Variants in SHISAL2A observed in about 807,000 individuals in gnomAD.
The protein encoded by SHISAL2A is protein shisa-like-2A.
Under a neutral mutation model 11.5 loss-of-function variants are expected in SHISAL2A, and 18 were observed. The ratio of observed to expected loss-of-function variants is 1.57; its 90% confidence interval spans 1.08 to 2.33. The LOEUF (loss-of-function observed/expected upper bound fraction) is 2.33, where lower values mean the gene tolerates loss of function less well. Among genes scored for constraint, SHISAL2A ranks in the 30% most tolerant of loss-of-function variants. SHISAL2A has a pLI of 0.00. For synonymous variants in SHISAL2A, 94 were observed against 99.6 expected (o/e 0.94, Z 0.34); for missense variants, 261 against 250.9 (o/e 1.04, Z -0.27).
intron 2 of SHISAL2A, among the ~76,000 whole-genome samples, chr1:52,656,362 G>A (rs1048271837): frequency 1.1e-4 from 16 of 152,132 alleles, no homozygotes; most frequent in African/African-American, 3.9e-4. Flanking sequence ...GATTTAAGAG[G>A]AAGAGAGAAG....
chr1:52,649,426 G>T (rs1188932150), intron 2 of SHISAL2A, among the ~76,000 whole-genome samples: 1 of 152,140 alleles, frequency 6.6e-6, no homozygotes. Context: ...GGGTTCCTTA[G>T]CTCTGAGTAT....
intron 1 of SHISAL2A, 148 bp from the exon 2 acceptor site, chr1:52,642,714 AT>A: frequency 1.3e-6 from 1 of 799,486 alleles, no homozygotes; most frequent in Middle Eastern, 3.8e-4. Flanking sequence ...ATGGGCCACT[AT>A]GCCTGGCCTA....
rs143397066 is a variant in SHISAL2A at position 52,638,646 on chromosome 1, C to T, written c.183-4217C>T. Among the ~76,000 whole-genome samples the T allele has an allele frequency of 3.9e-3, 601 of 152,196 alleles. 6 individuals are homozygous for T. The highest frequency in any genetic ancestry group is 0.014 in the African/African-American group (578 of 41,526). On this transcript the variant is annotated intron_variant, in intron 1 of 2. Transcript: ENST00000517870. ...AAGTGAGACAGGGAGAGAAAGAAGC[C>T]AACAATGGGTGTATTACCAAGCAAA...
chr1:52,665,453 C>G (rs1195373263), intron 4 of SHISAL2A, among the ~76,000 whole-genome samples: 3 of 152,172 alleles, frequency 2.0e-5, no homozygotes, highest in Non-Finnish European at 4.4e-5. Context: ...CCGATGTCTT[C>G]TACCTGGGCT....
At chr1:52,643,118 C>A in intron 2 of SHISAL2A, 116 bp downstream of exon 2, 2 of 1,014,740 alleles carry the variant, frequency 2.0e-6, no homozygotes, top group Admixed American at 2.5e-5. Flanking sequence ...CTGGAATATG[C>A]AGAAGCAGCG....
chr1:52,662,098 A>G (rs1002567272), intron 4 of SHISAL2A, among the ~76,000 whole-genome samples: 1 of 152,198 alleles, frequency 6.6e-6, no homozygotes, highest in Non-Finnish European at 1.5e-5. Flanking sequence ...AGAGATGAAG[A>G]GTAGGTTTGA....
chr1:52,634,339 T>C (rs1199186887), intron 1 of SHISAL2A, among the ~76,000 whole-genome samples: 5 of 152,240 alleles, frequency 3.3e-5, no homozygotes, highest in African/African-American at 9.6e-5. Flanking sequence ...TTAGTCATTC[T>C]TTCGGGCACT....
intron 2 of SHISAL2A, among the ~76,000 whole-genome samples, chr1:52,646,585 T>G (rs1216516854): frequency 1.3e-5 from 2 of 151,746 alleles, no homozygotes; most frequent in Non-Finnish European, 2.9e-5. Flanking sequence ...TTGCTAAAAT[T>G]TACTTGTAAC....
chr1:52,651,744 T>G (rs960274231), intron 2 of SHISAL2A, among the ~76,000 whole-genome samples: 3 of 152,172 alleles, frequency 2.0e-5, no homozygotes, highest in African/African-American at 7.2e-5. Context: ...CAGGGGGTAA[T>G]TAACATAGGT....
chr1:52,646,362 A>G (rs1056307530), intron 2 of SHISAL2A, among the ~76,000 whole-genome samples: 2 of 152,216 alleles, frequency 1.3e-5, no homozygotes, highest in African/African-American at 2.4e-5. Flanking sequence ...TATAAAATGT[A>G]TAATTTTCTA....
intron 4 of SHISAL2A, among the ~76,000 whole-genome samples, chr1:52,662,685 C>G (rs1691931736): frequency 6.6e-6 from 1 of 151,940 alleles, no homozygotes; most frequent in Non-Finnish European, 1.5e-5. Flanking sequence ...CCTTAGGGCT[C>G]CAAGGGCTCT....
intron 2 of SHISAL2A, among the ~76,000 whole-genome samples, chr1:52,652,205 G>T (rs182217683): frequency 1.3e-5 from 2 of 152,302 alleles, no homozygotes; most frequent in Admixed American, 1.3e-4. Context: ...CACAGCCTAG[G>T]GCCTCAGATC....
Position 52,642,973 on chromosome 1 carries a change from T to G in SHISAL2A, c.293T>G (p.Leu98Trp), listed in dbSNP as rs374623735. The change falls in exon 2 of 3, where the codon TTG (leucine) becomes TGG (tryptophan). Residue 98 changes from leucine (L) to tryptophan (W), a missense_variant. By Grantham distance (61) the Leu-to-Trp change is moderately conservative. Coordinates refer to ENST00000517870, the MANE Select transcript of SHISAL2A (RefSeq NM_001042693.3). ...LFISSKPHTK[L>W]DLGLSLQTAG... Reference sequence around the variant, plus strand: ...ATCAGCTCTAAGCCCCACACAAAGTTGGACCTGGGCTTGAGCTTACAGACA... The same window carrying G: ...ATCAGCTCTAAGCCCCACACAAAGTGGGACCTGGGCTTGAGCTTACAGACA... 1.2e-6 allele frequency: 2 copies of G among 1,614,054 alleles called. No homozygotes were observed. The highest frequency in any genetic ancestry group is 1.6e-4 in the Middle Eastern group (1 of 6,080).
intron 4 of SHISAL2A, among the ~76,000 whole-genome samples, chr1:52,665,031 C>A (rs954340653): frequency 2.0e-5 from 3 of 152,162 alleles, no homozygotes; most frequent in Non-Finnish European, 4.4e-5. Context: ...TCAAGCAATC[C>A]GCCAGCCAGC....
At chr1:52,658,988 AT>A (rs542921297), downstream of SHISAL2A, among the ~76,000 whole-genome samples, 305 of 151,956 alleles carry the variant, frequency 2.0e-3, 1 homozygote, top group African/African-American at 7.1e-3. Context: ...AAGTCAAGAG[AT>A]TTTGGTTCTG....
chr1:52,669,281 G>A (rs921921150), exon 6 of SHISAL2A: 7 of 150,902 alleles, frequency 4.6e-5, no homozygotes, highest in Admixed American at 4.0e-4. Flanking sequence ...GATCTTTACT[G>A]GACCCCTACA....
At chr1:52,666,277 C>A (rs1439163633) in intron 4 of SHISAL2A, among the ~76,000 whole-genome samples, 1 of 152,058 alleles carries the variant, frequency 6.6e-6, no homozygotes, top group Non-Finnish European at 1.5e-5. Context: ...CATGATGAAA[C>A]CGTGCCTCTA....
In SHISAL2A at chr1:52,633,482, G is replaced by A; in HGVS notation, c.-12G>A. On this transcript the variant is annotated 5_prime_UTR_variant, in exon 1 of 3. Transcript: ENST00000517870. This position sits in a 1 kb window ranked among gnomAD's most constrained non-coding sequence, Gnocchi z 6.4. ...GTGGCCCGAGGTGGCGGCGGGCTGG[G>A]CGCGGGGCGCGATGAGCGGCGCCTG... 6.7e-7 allele frequency: 1 copy of A among 1,484,038 alleles called. No homozygotes were observed. The highest frequency in any genetic ancestry group is 2.8e-5 in the East Asian group (1 of 35,204). 91.9% of individuals were successfully genotyped at this position (1,484,038 alleles called of 1,614,324 possible).
exon 6 of SHISAL2A, chr1:52,669,156 T>C (rs1692064700): frequency 6.6e-6 from 1 of 151,430 alleles, no homozygotes. Context: ...TTTTTTTTTT[T>C]TTTTGAGATG....
Sources: allele counts gnomAD v4.1 joint callset (sites outside exome capture counted in the v4.1 genomes callset), GRCh38; gene constraint gnomAD v4.1.1; non-coding constraint Gnocchi (gnomAD v3.1); transcripts MANE v1.5; gene names NCBI Gene and HGNC (gene_info 2026-07-23, HGNC 2026-07-21).